The following AOC2 variants were observed in gnomAD, a reference collection of about 807,000 sequenced individuals.
The protein encoded by AOC2 is amine oxidase [copper-containing] 2.
Under a neutral mutation model 53.8 loss-of-function variants are expected in AOC2, and 57 were observed. The observed-to-expected ratio is 1.06, with a 90% CI of 0.86 to 1.32. The LOEUF is 1.32. AOC2 is among the 40% of genes most tolerant of loss of function. The probability of loss-of-function intolerance (pLI) is 0.00; values close to 1 mark genes in which losing one functional copy is unlikely to be tolerated. For missense variants in AOC2, 1,008 were observed against 957.2 expected, an observed-to-expected ratio of 1.05 and a Z score of -0.70; for synonymous variants, 404 against 399.0, an observed-to-expected ratio of 1.01 and a Z score of -0.15.
At position 42,844,661 on chromosome 17, in the gene AOC2, T is replaced by C. The variant is rs1246554163; in HGVS notation, c.35T>C (p.Leu12Pro). 1.9e-6 allele frequency: 3 copies of C among 1,613,872 alleles called. No individual in the cohort carries two copies. The highest frequency in any genetic ancestry group is 2.5e-6 in the Non-Finnish European group (3 of 1,179,884). The part of the protein sequence containing the change: ...HLKIVLAFLA[L>P]SLITIFALAY... ...AAGATAGTCCTGGCGTTCCTGGCAC[T>C]GTCCCTCATTACCATCTTTGCCCTG... The change falls in exon 1 of 4, where the codon CTG (leucine) becomes CCG (proline). Residue 12 changes from leucine to proline, a missense_variant. Transcript: ENST00000253799.
Position 42,844,818 on chromosome 17 carries a change from G to A in AOC2, c.192G>A (p.Leu64=). 1 of 1,613,984 alleles carries A rather than the reference G, an allele frequency of 6.2e-7. No homozygotes were observed. The highest frequency in any genetic ancestry group is 8.5e-7 in the Non-Finnish European group (1 of 1,179,860). The stretch of plus-strand genomic sequence containing the variant: ...TTGCAGACCTGAGCCGAGAGGAGTT[G>A]ACAGCTGTGATGCGCTTTCTGACCC... The part of the protein sequence containing the change: ...QLFADLSREE[L]TAVMRFLTQR... The change falls in exon 1 of 4, where the codon TTG becomes TTA. Residue 64 remains leucine (L), a synonymous_variant. Coordinates refer to ENST00000253799, the MANE Select transcript of AOC2 (RefSeq NM_009590.4).
At position 42,846,213 on chromosome 17, in the gene AOC2, A is replaced by G. The variant is rs2055598797; in HGVS notation, c.1587A>G (p.Ala529=). 1.5e-6 allele frequency: 2 copies of G among 1,292,074 alleles called. No individual in the cohort carries two copies. The highest frequency in any genetic ancestry group is 1.6e-5 in the African/African-American group (1 of 62,342). The allele number at this position is 1,292,074 out of a possible 1,614,324, so 80.0% of individuals were successfully genotyped here. A position where few individuals can be genotyped will look rare whatever the true frequency, so the allele number is the denominator to read the frequency against. Residue 529 remains alanine, a splice_region_variant and synonymous_variant, in exon 1 of 4, where the codon GCA becomes GCG. Coordinates refer to ENST00000253799, the MANE Select transcript of AOC2 (RefSeq NM_009590.4). ...ACTTCAAGCTGGACCTGGATGTGGC[A>G]GGTGAGTGCTGAGGGGATGAGGATG... is the stretch of plus-strand genomic sequence containing the variant. ...AFHFKLDLDV[A]GLKNWVVAED... is the part of the protein sequence containing the mutation.
At chr17:42,849,443 C>T in intron 2 of AOC2, 72 bp downstream of exon 2, 1 of 1,579,198 alleles carries the variant, frequency 6.3e-7, no homozygotes, top group Non-Finnish European at 8.6e-7. Context: ...GAGACAAACT[C>T]CCTTCCCACG....
chr17:42,846,357 G>A (rs1464813610), intron 1 of AOC2, 143 bp downstream of exon 1: 14 of 890,318 alleles, frequency 1.6e-5, no homozygotes, highest in South Asian at 1.4e-4. Context: ...GTGGCAACAG[G>A]GCAGGGACTG....
Position 42,845,941 on chromosome 17 carries a change from A to G in AOC2, c.1315A>G (p.Asn439Asp). 6.2e-7 allele frequency: 1 copy of G among 1,614,180 alleles called. No homozygotes were observed. Among genetic ancestry groups the G allele is most frequent in the Non-Finnish European group, 8.5e-7 (1 of 1,180,032 alleles). Residue 439 changes from asparagine to aspartate, a missense_variant, in exon 1 of 4, where the codon AAT (asparagine) becomes GAT (aspartate). Asn to Asp is a conservative substitution (Grantham distance 23, BLOSUM62 1). Coordinates refer to ENST00000253799, the MANE Select transcript of AOC2 (RefSeq NM_009590.4). ...AQGLPLRRHH[N>D]YLQNHFYGGL... ...GGGACTGCCCCTTCGAAGGCACCAC[A>G]ATTACCTTCAAAATCATTTCTATGG...
At chr17:42,848,524 A>G (rs1567686428) in intron 1 of AOC2, among the ~76,000 whole-genome samples, 3 of 131,288 alleles carry the variant, frequency 2.3e-5, no homozygotes. Context: ...AGAGGAACTG[A>G]ATATATATAT....
chr17:42,845,120 G>A lies in AOC2; in HGVS notation c.494G>A (p.Arg165His), dbSNP rs145007333. 31 of 1,613,600 alleles carry A rather than the reference G, an allele frequency of 1.9e-5. No individual in the cohort carries two copies. Among genetic ancestry groups the A allele is most frequent in the South Asian group, 8.8e-5 (8 of 91,092 alleles). The change falls in exon 1 of 4, where the codon CGC (arginine) becomes CAC (histidine). Residue 165 changes from arginine to histidine, a missense_variant. Transcript: ENST00000253799. ...RHGGPLPYHR[R>H]PVLRAEFTQM... ...GGCGGGCCCCTGCCCTATCACCGTCGCCCGGTGCTGAGAGCTGAGTTTACA... is the reference window on the plus strand; with the variant it reads ...GGCGGGCCCCTGCCCTATCACCGTCACCCGGTGCTGAGAGCTGAGTTTACA...
chr17:42,849,749 A>C lies in AOC2; in HGVS notation c.2004+19A>C, dbSNP rs561534045. On this transcript the variant is annotated intron_variant, in intron 3 of 3. Coordinates refer to ENST00000253799, the MANE Select transcript of AOC2 (RefSeq NM_009590.4). ...AGGAGAGGTTGGTTGCCCTAGGGACATAGGAAAGGGACACCTGTGGGCATG... is the reference window on the plus strand; with the variant it reads ...AGGAGAGGTTGGTTGCCCTAGGGACCTAGGAAAGGGACACCTGTGGGCATG... The C allele has an allele frequency of 1.9e-5, 30 of 1,614,096 alleles. No individual in the cohort carries two copies. In the South Asian group the frequency reaches 2.3e-4, roughly 12 times the overall value.
In AOC2 at chr17:42,845,176, C is replaced by T. The variant is rs1243968672; in HGVS notation, c.550C>T (p.Leu184=). Reference sequence around the variant, plus strand: ...GTGGAGGCATCTGAAAGAGGTGGAGCTACCCAAGGCACCCATCTTCCTGTC... The same window carrying T: ...GTGGAGGCATCTGAAAGAGGTGGAGTTACCCAAGGCACCCATCTTCCTGTC... ...QMWRHLKEVE[L]PKAPIFLSST... The change falls in exon 1 of 4, where the codon CTA becomes TTA. Residue 184 remains leucine, a synonymous_variant. Transcript: ENST00000253799. The T allele has an allele frequency of 3.7e-6, 6 of 1,613,796 alleles. No individual in the cohort carries two copies. Among genetic ancestry groups the T allele is most frequent in the Non-Finnish European group, 5.1e-6 (6 of 1,180,010 alleles).
chr17:42,850,028 G>A, intron 3 of AOC2, 54 bp from the exon 4 acceptor site: 2 of 1,580,300 alleles, frequency 1.3e-6, no homozygotes, highest in Non-Finnish European at 1.7e-6. Context: ...TGACTGAAGG[G>A]TGGTTCTTTG....
intron 1 of AOC2, 92 bp downstream of exon 1, chr17:42,846,306 A>T: frequency 1.4e-6 from 2 of 1,398,476 alleles, no homozygotes; most frequent in Non-Finnish European, 1.9e-6. Context: ...AAGCTGAAAT[A>T]ACAAGTGGCA....
rs1361861473 is a variant in AOC2 at position 42,849,704 on chromosome 17, A to T, written c.1978A>T (p.Ile660Phe). 6.2e-7 allele frequency: 1 copy of T among 1,614,228 alleles called. No homozygotes were observed. Among genetic ancestry groups the T allele is most frequent in the East Asian group, 2.2e-5 (1 of 44,884 alleles). The change falls in exon 3 of 4, where the codon ATC becomes TTC. Residue 660 changes from isoleucine (I) to phenylalanine (F), a missense_variant. By Grantham distance (21) the Ile-to-Phe change is conservative. Transcript: ENST00000253799. ...ACCCACAGTTACCTTTGCTGACTTC[A>T]TCAACAATGAAACCCTCTTAGGAGA... ...WTPTVTFADF[I>F]NNETLLGEDL...
At position 42,844,614 on chromosome 17, in the gene AOC2, C is replaced by A; in HGVS notation, c.-13C>A. Reference sequence around the variant, plus strand: ...AGCTGTTAGAATTCTGATTTCAGCTCTCAGCATCCACCATGCATCTCAAGA... The same window carrying A: ...AGCTGTTAGAATTCTGATTTCAGCTATCAGCATCCACCATGCATCTCAAGA... On this transcript the variant is annotated 5_prime_UTR_variant, in exon 1 of 4. Transcript: ENST00000253799. The A allele has an allele frequency of 6.3e-7, 1 of 1,594,368 alleles. No homozygotes were observed. The highest frequency in any genetic ancestry group is 1.1e-5 in the South Asian group (1 of 89,564).
Position 42,845,445 on chromosome 17 carries a change from G to A in AOC2, c.819G>A (p.Arg273=). 2.5e-6 allele frequency: 4 copies of A among 1,614,174 alleles called. No individual in the cohort carries two copies. Among genetic ancestry groups the A allele is most frequent in the Non-Finnish European group, 3.4e-6 (4 of 1,180,032 alleles). The part of the protein sequence containing the change: ...HYYADLGQLE[R]EFKSGRLEVV... The stretch of plus-strand genomic sequence containing the variant: ...ATGCAGACTTGGGCCAGTTGGAACG[G>A]GAGTTTAAGTCTGGCCGGTTGGAAG... The change falls in exon 1 of 4, where the codon CGG becomes CGA. Residue 273 remains arginine (R), a synonymous_variant. Coordinates refer to ENST00000253799, the MANE Select transcript of AOC2 (RefSeq NM_009590.4).
intron 1 of AOC2, among the ~76,000 whole-genome samples, chr17:42,847,782 C>CTT (rs1213018759): frequency 6.4e-5 from 9 of 140,722 alleles, no homozygotes; most frequent in East Asian, 6.2e-4. Flanking sequence ...CCACGCCCAG[C>CTT]TTTTTTTTTT....
At chr17:42,846,301 G>A in intron 1 of AOC2, 87 bp downstream of exon 1, 1 of 1,420,470 alleles carries the variant, frequency 7.0e-7, no homozygotes, top group Non-Finnish European at 9.3e-7. Context: ...AGGTCAAGCT[G>A]AAATAACAAG....
At chr17:42,848,546 CATAT>C (rs200422278) in intron 1 of AOC2, among the ~76,000 whole-genome samples, 1 of 117,692 alleles carries the variant, frequency 8.5e-6, no homozygotes, top group African/African-American at 3.9e-5. Context: ...TATATATATA[CATAT>C]ATATATATAT....
At chr17:42,848,884 G>A (rs2055620581) in intron 1 of AOC2, among the ~76,000 whole-genome samples, 2 of 152,148 alleles carry the variant, frequency 1.3e-5, no homozygotes, top group Admixed American at 6.5e-5. Flanking sequence ...CGTGTGGCTA[G>A]TGGTTACCCT....
chr17:42,845,312 G>T lies in AOC2; in HGVS notation c.686G>T (p.Gly229Val). The change falls in exon 1 of 4, where the codon GGG (glycine) becomes GTG (valine). Residue 229 changes from glycine to valine, a missense_variant. Gly to Val is a moderately radical substitution (Grantham distance 109). Transcript: ENST00000253799. Reference protein sequence around the residue: ...TWMALYHNISGVGLFLHPVGL... With the variant: ...TWMALYHNISVVGLFLHPVGL... Reference sequence around the variant, plus strand: ...ATGGCCCTCTACCATAACATCTCAGGGGTTGGTCTTTTCCTTCACCCCGTG... The same window carrying T: ...ATGGCCCTCTACCATAACATCTCAGTGGTTGGTCTTTTCCTTCACCCCGTG... 6.2e-7 allele frequency: 1 copy of T among 1,614,202 alleles called. No homozygotes were observed. Among genetic ancestry groups the T allele is most frequent in the East Asian group, 2.2e-5 (1 of 44,888 alleles).
Sources: allele counts gnomAD v4.1 joint callset (sites outside exome capture counted in the v4.1 genomes callset), GRCh38; gene constraint gnomAD v4.1.1; transcripts MANE v1.5; gene names NCBI Gene and HGNC (gene_info 2026-07-23, HGNC 2026-07-21).